NF1: variants seen among roughly 807,000 people sequenced by gnomAD.
NF1 encodes neurofibromin 1, also known as neurofibromin.
NF1 carries 122 observed loss-of-function variants against 325.7 expected under a neutral mutation model. That is an observed-to-expected ratio of 0.37 (90% confidence interval 0.32 to 0.44). The LOEUF is 0.44. Ranked by LOEUF, NF1 falls within the 20% of genes least tolerant of loss-of-function variation. The pLI is 1.00. For synonymous variants in NF1, 1,091 were observed against 1,186.0 expected, an observed-to-expected ratio of 0.92 and a Z score of 1.65; for missense variants, 2,140 against 3,415.4, an observed-to-expected ratio of 0.63 and a Z score of 9.31.
intron 36 of NF1, among the ~76,000 whole-genome samples, chr17:31,293,288 C>T (rs2068389565): frequency 6.8e-6 from 1 of 146,674 alleles, no homozygotes; most frequent in Non-Finnish European, 1.5e-5. Context: ...TAGGGATTAT[C>T]TAAGCAATTA....
intron 36 of NF1, among the ~76,000 whole-genome samples, chr17:31,312,997 T>C (rs987027621): frequency 1.3e-5 from 2 of 152,192 alleles, no homozygotes; most frequent in African/African-American, 2.4e-5. Context: ...AACACGTAGA[T>C]GATATTAATA....
At position 31,229,905 on chromosome 17, in the gene NF1, A is replaced by G. The variant is rs557875547; in HGVS notation, c.2921A>G (p.Asn974Ser). The stretch of plus-strand genomic sequence containing the variant: ...GCTATAATGAAGAACTTGCTAGATA[A>G]TCATACTGAAGGCAGCTCTGAACAT... ...TIAIMKNLLD[N>S]HTEGSSEHLG... Residue 974 changes from asparagine to serine, a missense_variant, in exon 22 of 58, where the codon AAT becomes AGT. Asn to Ser is a conservative substitution (Grantham distance 46, BLOSUM62 1). Around this residue, in one of 10 missense-constraint regions of NF1, gnomAD observed 380 missense variants for 639.3 expected, o/e 0.59. Transcript: ENST00000358273. 142 of 1,611,820 alleles carry G rather than the reference A, an allele frequency of 8.8e-5. 1 individual carries two copies. In the South Asian group the frequency reaches 1.3e-3, roughly 14 times the overall value.
intron 36 of NF1, chr17:31,318,755 T>A: frequency 6.2e-7 from 1 of 1,614,100 alleles, no homozygotes; most frequent in Non-Finnish European, 8.5e-7. Context: ...GATTTAGAAG[T>A]TAAAGCTACG....
chr17:31,180,444 T>C (rs1018652709), intron 5 of NF1, among the ~76,000 whole-genome samples: 1 of 152,170 alleles, frequency 6.6e-6, no homozygotes, highest in African/African-American at 2.4e-5. Flanking sequence ...TTTCAACATA[T>C]GCAAATCAAT....
intron 1 of NF1, among the ~76,000 whole-genome samples, chr17:31,101,719 T>C (rs1231644819): frequency 6.6e-6 from 1 of 152,204 alleles, no homozygotes; most frequent in African/African-American, 2.4e-5. Flanking sequence ...ATTTCATTTT[T>C]TTTTTTTCCC....
At position 31,376,810 on chromosome 17, in the gene NF1, G is replaced by T; in HGVS notation, c.*2655G>T. The T allele has an allele frequency of 4.3e-6, 1 of 233,202 alleles. No individual in the cohort carries two copies. The highest frequency in any genetic ancestry group is 8.5e-6 in the Non-Finnish European group (1 of 117,986). The allele number at this position is 233,202 out of a possible 1,614,324, so 14.4% of individuals were successfully genotyped here. On this transcript the variant is annotated 3_prime_UTR_variant, in exon 58 of 58. Coordinates refer to ENST00000358273, the MANE Select transcript of NF1 (RefSeq NM_001042492.3). ...TTGTCCTGGATAATCTACCTGTTAT[G>T]CCAGTACTCCCATCCGAGGGGCATG...
At chr17:31,274,755 GTAA>G (rs2067971197) in intron 36 of NF1, among the ~76,000 whole-genome samples, 1 of 151,308 alleles carries the variant, frequency 6.6e-6, no homozygotes, top group Admixed American at 6.6e-5. Context: ...AATAGTAATA[GTAA>G]TAGTAATGTT....
chr17:31,263,129 TA>T (rs369499357), intron 35 of NF1, among the ~76,000 whole-genome samples: 10 of 100,908 alleles, frequency 9.9e-5, no homozygotes, highest in Non-Finnish European at 1.5e-4. Flanking sequence ...ATAGATAAGA[TA>T]AGATAAGATA....
At chr17:31,358,926 A>C (rs746603524) in intron 55 of NF1, 43 bp from the exon 56 acceptor site, 1 of 1,546,230 alleles carries the variant, frequency 6.5e-7, no homozygotes, top group Non-Finnish European at 8.9e-7. Context: ...TACAATTAAA[A>C]GATACCTTGC....
chr17:31,338,079 G>A lies in NF1; in HGVS notation c.6759G>A (p.Gly2253=), dbSNP rs2151558210. 6.2e-7 allele frequency: 1 copy of A among 1,613,890 alleles called. No individual in the cohort carries two copies. The highest frequency in any genetic ancestry group is 8.5e-7 in the Non-Finnish European group (1 of 1,179,876). ...AACCAAGAGCTCTTGTTGTCTTTGG[G>A]TGTATTAGCAAACGAGTGTCTCATG... ...SLQPRALVVF[G]CISKRVSHGQ... The change falls in exon 45 of 58, where the codon GGG becomes GGA. Residue 2253 remains glycine (G), a synonymous_variant. Coordinates refer to ENST00000358273, the MANE Select transcript of NF1 (RefSeq NM_001042492.3).
intron 4 of NF1, among the ~76,000 whole-genome samples, chr17:31,169,347 T>C (rs2065895688): frequency 6.6e-6 from 1 of 152,202 alleles, no homozygotes; most frequent in Admixed American, 6.5e-5. Context: ...ACCTCAATCT[T>C]AAGGATAAGG....
At chr17:31,095,507 A>AGG (rs1911589136) in intron 1 of NF1, 138 bp downstream of exon 1, 1 of 419,486 alleles carries the variant, frequency 2.4e-6, no homozygotes, top group African/African-American at 2.4e-5. Context: ...AGAGAAGGGA[A>AGG]GGGGGGATAA....
At position 31,377,566 on chromosome 17, in the gene NF1, A is replaced by G. The variant is rs1318346858; in HGVS notation, c.*3411A>G. ...AAATCGATCATTGTAGGGGAAAATC[A>G]TAGAAATCCATTTCAGATCTTTATT... On this transcript the variant is annotated 3_prime_UTR_variant, in exon 58 of 58. Transcript: ENST00000358273. The G allele has an allele frequency of 1.3e-5, 3 of 233,044 alleles. No homozygotes were observed. Among genetic ancestry groups the G allele is most frequent in the African/African-American group, 6.6e-5 (3 of 45,306 alleles). The allele number at this position is 233,044 out of a possible 1,614,324, so 14.4% of individuals were successfully genotyped here. A position where few individuals can be genotyped will look rare whatever the true frequency, so the allele number is the denominator to read the frequency against.
chr17:31,114,309 C>T (rs974399422), intron 1 of NF1, among the ~76,000 whole-genome samples: 1 of 151,988 alleles, frequency 6.6e-6, no homozygotes, highest in Non-Finnish European at 1.5e-5. Flanking sequence ...GAGGCTGAGG[C>T]GGGTGGATCA....
intron 1 of NF1, among the ~76,000 whole-genome samples, chr17:31,117,614 AGT>A (rs1914052275): frequency 7.4e-6 from 1 of 134,876 alleles, no homozygotes. Context: ...CGGAGCTTGC[AGT>A]GAGCCAAGAC....
chr17:31,149,285 C>CACAT (rs1396953072), intron 1 of NF1, among the ~76,000 whole-genome samples: 495 of 150,410 alleles, frequency 3.3e-3, no homozygotes, highest in African/African-American at 0.01. Flanking sequence ...TGTACACACA[C>CACAT]ACACATACAC....
intron 1 of NF1, among the ~76,000 whole-genome samples, chr17:31,138,873 A>C (rs1426443233): frequency 6.6e-6 from 1 of 151,630 alleles, no homozygotes; most frequent in East Asian, 1.9e-4. Flanking sequence ...GCATTCTTTA[A>C]ATTTTTAAGT....
At position 31,356,519 on chromosome 17, in the gene NF1, A is replaced by G. The variant is rs779373258; in HGVS notation, c.7675A>G (p.Met2559Val). 6.2e-7 allele frequency: 1 copy of G among 1,613,798 alleles called. No individual in the cohort carries two copies. The highest frequency in any genetic ancestry group is 8.5e-7 in the Non-Finnish European group (1 of 1,179,868). ...SDTKAPKRQE[M>V]ESGITTPPKM... ...CACAAAGGCTCCTAAAAGGCAAGAA[A>G]TGGAATCAGGGATCACAACACCCCC... is the stretch of plus-strand genomic sequence containing the variant. The change falls in exon 52 of 58, where the codon ATG becomes GTG. Residue 2559 changes from methionine (M) to valine (V), a missense_variant. By Grantham distance (21) the Met-to-Val change is conservative (BLOSUM62 1). Around this residue, in one of 10 missense-constraint regions of NF1, gnomAD observed 522 missense variants for 749.0 expected, o/e 0.70. Transcript: ENST00000358273.
At chr17:31,122,798 T>C (rs1665301869) in intron 1 of NF1, among the ~76,000 whole-genome samples, 1 of 152,208 alleles carries the variant, frequency 6.6e-6, no homozygotes, top group Admixed American at 6.6e-5. Context: ...AAGAAATGGT[T>C]AAAAATAGAC....
Sources: allele counts gnomAD v4.1 joint callset (sites outside exome capture counted in the v4.1 genomes callset), GRCh38; gene constraint gnomAD v4.1.1; regional missense constraint gnomAD v4.1.1; transcripts MANE v1.5; gene names NCBI Gene and HGNC (gene_info 2026-07-23, HGNC 2026-07-21).